The following SLC49A3 variants were observed in gnomAD, a reference collection of about 807,000 sequenced individuals.
The protein encoded by SLC49A3 is solute carrier family 49 member 3.
Under a neutral mutation model 43.8 loss-of-function variants are expected in SLC49A3, and 50 were observed. The observed-to-expected ratio is 1.14, with a 90% CI of 0.91 to 1.45. The LOEUF is 1.45. SLC49A3 is among the 40% of genes most tolerant of loss of function. The pLI, the probability that SLC49A3 is intolerant of heterozygous loss-of-function variation, is 0.00. For missense variants in SLC49A3, 906 were observed against 774.1 expected (o/e 1.17, Z -2.02); for synonymous variants, 413 against 352.0 (o/e 1.17, Z -1.94).
chr4:677,984 C>G, downstream of SLC49A3: 1 of 1,613,258 alleles, frequency 6.2e-7, no homozygotes, highest in Middle Eastern at 1.7e-4. Context: ...ATGGGCAAGA[C>G]CTGGGGCCCT....
At chr4:678,055 G>A, downstream of SLC49A3, 1 of 1,612,746 alleles carries the variant, frequency 6.2e-7, no homozygotes, top group Non-Finnish European at 8.5e-7. Flanking sequence ...TGCATGCCTG[G>A]GGCAGGCGTG....
chr4:689,771 C>T (rs534750958), upstream of SLC49A3, among the ~76,000 whole-genome samples: 46 of 152,378 alleles, frequency 3.0e-4, no homozygotes, highest in African/African-American at 1.0e-3. Context: ...ATGGAGGACA[C>T]GGCTCTCAGA....
chr4:684,099 G>C (rs112783661), intron 6 of SLC49A3, among the ~76,000 whole-genome samples: 1 of 152,220 alleles, frequency 6.6e-6, no homozygotes, highest in Non-Finnish European at 1.5e-5. Flanking sequence ...GGGCCAGCTC[G>C]GAGATATGCG....
In SLC49A3 at chr4:683,238, C is replaced by T. The variant is rs1302339600; in HGVS notation, c.1123G>A (p.Ala375Thr). The change falls in exon 8 of 10, where the codon GCT becomes ACT. Residue 375 changes from alanine (A) to threonine (T), a missense_variant. Ala to Thr is a moderately conservative substitution (Grantham distance 58). Transcript: ENST00000322224. ...VECSFPVGEG[A>T]ATGMIFVLGQ... Reference sequence around the variant, plus strand: ...AGCACAAAGATCATGCCTGTGGCAGCCCCCTCCCCCACGGGGAAGGAACAC... The same window carrying T: ...AGCACAAAGATCATGCCTGTGGCAGTCCCCTCCCCCACGGGGAAGGAACAC... The T allele has an allele frequency of 5.6e-6, 9 of 1,612,642 alleles. No homozygotes were observed. The highest frequency in any genetic ancestry group is 5.0e-5 in the Admixed American group (3 of 59,984).
At position 684,873 on chromosome 4, in the gene SLC49A3, G is replaced by C. The variant is rs750498184; in HGVS notation, c.586-17C>G. ...GACACCGAGCTGGGGAGGGGTGTGT[G>C]TGCACAAGGAGACCACGCAGACTGG... is the stretch of plus-strand genomic sequence containing the variant. On this transcript the variant is annotated splice_polypyrimidine_tract_variant and intron_variant, in intron 4 of 9. Coordinates refer to ENST00000322224, the MANE Select transcript of SLC49A3 (RefSeq NM_032219.4). 1.2e-6 allele frequency: 2 copies of C among 1,608,232 alleles called. No homozygotes were observed. The highest frequency in any genetic ancestry group is 2.2e-5 in the South Asian group (2 of 90,762).
At chr4:689,280 G>C, upstream of SLC49A3, 4 of 399,510 alleles carry the variant, frequency 1.0e-5, no homozygotes, top group Non-Finnish European at 1.6e-5. Flanking sequence ...ACGGAGGAGG[G>C]TCCCGCCCCG....
Position 689,059 on chromosome 4 carries a change from G to A in SLC49A3, c.69C>T (p.His23=). 6.3e-7 allele frequency: 1 copy of A among 1,579,512 alleles called. No individual in the cohort carries two copies. Among genetic ancestry groups the A allele is most frequent in the African/African-American group, 1.4e-5 (1 of 71,820 alleles). Residue 23 remains histidine, a synonymous_variant, in exon 1 of 10, where the codon CAC becomes CAT. Transcript: ENST00000322224. The part of the protein sequence containing the change: ...EPRALCAQRG[H]RTYARRWVFL... ...ACACCCAGCGGCGCGCGTAGGTGCG[G>A]TGGCCCCGCTGCGCGCACAGGGCCC...
At chr4:676,963 G>T (rs1268414437), downstream of SLC49A3, 9 of 981,818 alleles carry the variant, frequency 9.2e-6, no homozygotes, top group Non-Finnish European at 1.1e-5. Flanking sequence ...GTGACCATGT[G>T]TCCCTCAGGG....
upstream of SLC49A3, chr4:689,361 G>T: frequency 6.4e-6 from 2 of 310,112 alleles, no homozygotes; most frequent in East Asian, 5.3e-5. Flanking sequence ...TCCTCCTTCG[G>T]CCTCAGGCTG....
In SLC49A3 at chr4:681,983, A is replaced by G. The variant is rs139852524; in HGVS notation, c.1655T>C (p.Phe552Ser). 6.2e-4 allele frequency: 869 copies of G among 1,404,214 alleles called. No individual in the cohort carries two copies. Among genetic ancestry groups the G allele is most frequent in the Middle Eastern group, 3.4e-3 (18 of 5,234 alleles). 87.0% of individuals were successfully genotyped at this position (1,404,214 alleles called of 1,614,324 possible). Reference protein sequence around the residue: ...FIDPAGSHSSFSSPWVIT With the variant: ...FIDPAGSHSSSSSPWVIT ...CTACGTGATCACCCACGGGGAGGAG[A>G]AGGAGGAGTGAGACCCAGCCGGGTC... Residue 552 changes from phenylalanine (F) to serine (S), a missense_variant, in exon 10 of 10, where the codon TTC (phenylalanine) becomes TCC (serine). Phe to Ser is a radical substitution (Grantham distance 155). Transcript: ENST00000322224.
chr4:685,935 G>A lies in SLC49A3; in HGVS notation c.509-24C>T, dbSNP rs1317676075. ...CGCTGGGTGGGCGGATGCACAAAGT[G>A]TCAGCTCGGCTGTGGCCTGGCTTCA... On this transcript the variant is annotated intron_variant, in intron 3 of 9. Coordinates refer to ENST00000322224, the MANE Select transcript of SLC49A3 (RefSeq NM_032219.4). The surrounding 1 kb of genome is among the most constrained non-coding windows in gnomAD (Gnocchi z 4.3). 19 of 1,613,572 alleles carry A rather than the reference G, an allele frequency of 1.2e-5. No homozygotes were observed. Among genetic ancestry groups the A allele is most frequent in the Admixed American group, 3.3e-5 (2 of 60,000 alleles).
downstream of SLC49A3, among the ~76,000 whole-genome samples, chr4:681,345 C>G (rs1199277292): frequency 6.6e-6 from 1 of 152,054 alleles, no homozygotes; most frequent in African/African-American, 2.4e-5. Flanking sequence ...GACCCCTCCC[C>G]TCCGTTAGAT....
At chr4:678,326 A>G, downstream of SLC49A3, 1 of 1,420,724 alleles carries the variant, frequency 7.0e-7, no homozygotes. Context: ...TACCCAGAAC[A>G]AGCCCACCCA....
rs1440835963 is a variant in SLC49A3 at position 685,784 on chromosome 4, G to A, written c.585+51C>T. 5 of 1,580,424 alleles carry A rather than the reference G, an allele frequency of 3.2e-6. No homozygotes were observed. Among genetic ancestry groups the A allele is most frequent in the Non-Finnish European group, 4.3e-6 (5 of 1,150,286 alleles). ...CTTGGGATCAGGAACACACAGACGT[G>A]CATGCGCACACACCACACAGACCAG... is the stretch of plus-strand genomic sequence containing the variant. On this transcript the variant is annotated intron_variant, in intron 4 of 9. Coordinates refer to ENST00000322224, the MANE Select transcript of SLC49A3 (RefSeq NM_032219.4). The surrounding 1 kb of genome is among the most constrained non-coding windows in gnomAD (Gnocchi z 4.3).
At chr4:680,040 C>T, downstream of SLC49A3, 1 of 1,563,730 alleles carries the variant, frequency 6.4e-7, no homozygotes, top group Non-Finnish European at 8.7e-7. Flanking sequence ...TGGGGCAGGC[C>T]TGGCCCTCCT....
chr4:683,518 C>A, intron 7 of SLC49A3, 91 bp downstream of exon 7: 9 of 1,508,404 alleles, frequency 6.0e-6, no homozygotes, highest in Non-Finnish European at 8.0e-6. Context: ...ACAGTCCAGA[C>A]CTCTGTTCCA....
intron 6 of SLC49A3, among the ~76,000 whole-genome samples, 187 bp from the exon 7 acceptor site, chr4:683,948 C>T (rs1044313896): frequency 2.0e-5 from 3 of 152,156 alleles, no homozygotes; most frequent in African/African-American, 4.8e-5. Context: ...TCCCACCCCA[C>T]CCCAGAGCAA....
chr4:678,937 A>G, downstream of SLC49A3: 2 of 1,613,108 alleles, frequency 1.2e-6, no homozygotes, highest in Non-Finnish European at 1.7e-6. Flanking sequence ...GCAGCACAGC[A>G]GCCCTGACCT....
rs138706049 is a variant in SLC49A3 at position 686,259 on chromosome 4, C to G, written c.338G>C (p.Arg113Pro). The change falls in exon 3 of 10, where the codon CGC becomes CCC. Residue 113 changes from arginine (R) to proline (P), a missense_variant. Arg to Pro is a moderately radical substitution (Grantham distance 103). Coordinates refer to ENST00000322224, the MANE Select transcript of SLC49A3 (RefSeq NM_032219.4). ...AWLNFAGSVL[R>P]MVPCMVVGTQ... ...CCCAACAACCATGCAGGGCACCATG[C>G]GTAGCACACTCCCGGCAAAGTTCAG... The G allele has an allele frequency of 2.0e-5, 33 of 1,613,350 alleles. No individual in the cohort carries two copies. Among genetic ancestry groups the G allele is most frequent in the Non-Finnish European group, 2.2e-5 (26 of 1,180,032 alleles).
Sources: allele counts gnomAD v4.1 joint callset (sites outside exome capture counted in the v4.1 genomes callset), GRCh38; gene constraint gnomAD v4.1.1; non-coding constraint Gnocchi (gnomAD v3.1); transcripts MANE v1.5; gene names NCBI Gene and HGNC (gene_info 2026-07-23, HGNC 2026-07-21).